Variants in ROBO1 observed in about 807,000 individuals in gnomAD.
ROBO1 encodes roundabout guidance receptor 1, also known as roundabout homolog 1.
ROBO1 carries 149 observed loss-of-function variants against 195.9 expected under a neutral mutation model. The observed-to-expected ratio is 0.76, with a 90% CI of 0.67 to 0.87. ROBO1 has a LOEUF of 0.87. ROBO1 is among the 40% of genes least tolerant of loss of function. The pLI, the probability that ROBO1 is intolerant of heterozygous loss-of-function variation, is 0.00. For missense variants in ROBO1, 1,933 were observed against 2,068.3 expected, an observed-to-expected ratio of 0.93 and a Z score of 1.27; for synonymous variants, 816 against 733.2, an observed-to-expected ratio of 1.11 and a Z score of -1.82.
intron 4 of ROBO1, among the ~76,000 whole-genome samples, chr3:78,855,213 G>A (rs1304237631): frequency 6.6e-6 from 1 of 152,070 alleles, no homozygotes; most frequent in Non-Finnish European, 1.5e-5. Flanking sequence ...TGTTCACCCA[G>A]CAGTATCCCA....
intron 4 of ROBO1, among the ~76,000 whole-genome samples, chr3:78,788,988 G>A (rs1238830607): frequency 6.6e-6 from 1 of 152,136 alleles, no homozygotes; most frequent in Non-Finnish European, 1.5e-5. Context: ...AAAGAATTAT[G>A]AATTGACTCA....
intron 27 of ROBO1, among the ~76,000 whole-genome samples, chr3:78,615,242 T>G (rs1484902070): frequency 6.6e-6 from 1 of 152,134 alleles, no homozygotes; most frequent in Non-Finnish European, 1.5e-5. Context: ...ACAGTACTAA[T>G]GGCACCCATA....
At chr3:79,629,916 C>A (rs1945288808) in intron 1 of ROBO1, among the ~76,000 whole-genome samples, 1 of 151,744 alleles carries the variant, frequency 6.6e-6, no homozygotes, top group Non-Finnish European at 1.5e-5. Context: ...TTAAAACATG[C>A]AACCTCTCAA....
At chr3:79,111,330 TG>T (rs1252470910) in intron 3 of ROBO1, among the ~76,000 whole-genome samples, 4 of 152,066 alleles carry the variant, frequency 2.6e-5, no homozygotes, top group African/African-American at 9.7e-5. Flanking sequence ...GAGGATCGAT[TG>T]GGGAATGCGC....
chr3:78,979,207 C>T (rs536567194), intron 3 of ROBO1, among the ~76,000 whole-genome samples: 5 of 152,218 alleles, frequency 3.3e-5, no homozygotes, highest in Middle Eastern at 3.4e-3. Flanking sequence ...AAGTTTGTGC[C>T]ATTCCCCTTC....
intron 2 of ROBO1, among the ~76,000 whole-genome samples, chr3:79,312,938 T>TCATC: frequency 6.6e-6 from 1 of 152,212 alleles, no homozygotes; most frequent in Middle Eastern, 3.4e-3. Flanking sequence ...GAAACAAAAG[T>TCATC]CATCATTAGC....
In ROBO1 at chr3:79,257,037, T is replaced by C. The variant is rs1016410823; in HGVS notation, c.89-131498A>G. Reference sequence around the variant, plus strand: ...ACAACTGGTCTTTCCATAAATAAGTTACATCTTCACAGATTAAAAATTTTA... The same window carrying C: ...ACAACTGGTCTTTCCATAAATAAGTCACATCTTCACAGATTAAAAATTTTA... On this transcript the variant is annotated intron_variant, in intron 2 of 30. Transcript: ENST00000464233. Among the ~76,000 whole-genome samples the C allele has an allele frequency of 5.3e-5, 8 of 152,298 alleles. No individual in the cohort carries two copies. The East Asian group carries it at 1.5e-3, about 29-fold the overall frequency.
chr3:79,186,685 G>C (rs2081445574), intron 2 of ROBO1, among the ~76,000 whole-genome samples: 1 of 152,086 alleles, frequency 6.6e-6, no homozygotes. Flanking sequence ...AATGTGAGCA[G>C]AAGATTGAAG....
chr3:78,627,550 A>G lies in ROBO1; in HGVS notation c.3646T>C (p.Cys1216Arg), dbSNP rs1419575523. The change falls in exon 26 of 31, where the codon TGT becomes CGT. Residue 1216 changes from cysteine to arginine, a missense_variant. Transcript: ENST00000464233. ...TACATCCTTGCTGGTGGCACGGGACATGGCATTTCTTGGTCATAGCTAAAA... is the reference window on the plus strand; with the variant it reads ...TACATCCTTGCTGGTGGCACGGGACGTGGCATTTCTTGGTCATAGCTAAAA... Reference protein sequence around the residue: ...VDESYDQEMPCPVPPARMYLQ... With the variant: ...VDESYDQEMPRPVPPARMYLQ... 5.6e-6 allele frequency: 9 copies of G among 1,612,664 alleles called. No homozygotes were observed. Among genetic ancestry groups the G allele is most frequent in the Non-Finnish European group, 6.8e-6 (8 of 1,179,324 alleles).
At chr3:79,328,750 G>A (rs1301436579) in intron 2 of ROBO1, among the ~76,000 whole-genome samples, 2 of 151,928 alleles carry the variant, frequency 1.3e-5, no homozygotes, top group African/African-American at 4.8e-5. Context: ...TGTACCCAAC[G>A]TGTAGGCTTT....
chr3:79,370,814 G>A (rs922369948), intron 2 of ROBO1, among the ~76,000 whole-genome samples: 2 of 151,988 alleles, frequency 1.3e-5, no homozygotes, highest in Middle Eastern at 3.4e-3. Context: ...TTACATATTT[G>A]TCCTAATGCT....
At chr3:79,638,631 G>A (rs1945566951) in intron 1 of ROBO1, among the ~76,000 whole-genome samples, 1 of 152,134 alleles carries the variant, frequency 6.6e-6, no homozygotes, top group Admixed American at 6.5e-5. Context: ...TCTGTGAAAG[G>A]AGATAAATTT....
intron 3 of ROBO1, among the ~76,000 whole-genome samples, chr3:79,097,964 T>C (rs1213162913): frequency 6.6e-6 from 1 of 151,768 alleles, no homozygotes; most frequent in Non-Finnish European, 1.5e-5. Flanking sequence ...TCAAGCATGA[T>C]ATATGAATTT....
intron 4 of ROBO1, among the ~76,000 whole-genome samples, chr3:78,920,323 G>C (rs1484118034): frequency 6.7e-6 from 1 of 149,982 alleles, no homozygotes; most frequent in Non-Finnish European, 1.5e-5. Flanking sequence ...TCTTTTTTTT[G>C]AGATGGAGTC....
At chr3:79,712,901 TACACCTGTTTATAGC>T (rs1702330771) in intron 1 of ROBO1, among the ~76,000 whole-genome samples, 1 of 152,116 alleles carries the variant, frequency 6.6e-6, no homozygotes. Context: ...TAGGTGATAG[TACACCTGTTTATAGC>T]ATGGTTTACT....
At position 79,732,831 on chromosome 3, in the gene ROBO1, A is replaced by C. The variant is rs541583443; in HGVS notation, c.-51+34921T>G. ...TTATCCTGGGCGTTTTTTATACTTT[A>C]TTTTAGTTTAAGTGACCCTCTTTGA... On this transcript the variant is annotated intron_variant, in intron 1 of 30. Coordinates refer to ENST00000464233, the MANE Select transcript of ROBO1 (RefSeq NM_002941.4). Among the ~76,000 whole-genome samples, 3 of 152,084 alleles carry C rather than the reference A, an allele frequency of 2.0e-5. No individual in the cohort carries two copies. In the South Asian group the frequency reaches 6.2e-4, roughly 32 times the overall value.
chr3:79,218,051 T>C (rs1033168785), intron 2 of ROBO1, among the ~76,000 whole-genome samples: 1 of 151,820 alleles, frequency 6.6e-6, no homozygotes, highest in African/African-American at 2.4e-5. Context: ...ATTATATAAA[T>C]AATAAAGTAA....
At chr3:79,330,719 A>G (rs975355331) in intron 2 of ROBO1, among the ~76,000 whole-genome samples, 1 of 151,232 alleles carries the variant, frequency 6.6e-6, no homozygotes. Context: ...CTGTAGACCA[A>G]TGAAATCTTG....
chr3:79,300,055 T>G (rs1319469563), intron 2 of ROBO1, among the ~76,000 whole-genome samples: 1 of 152,226 alleles, frequency 6.6e-6, no homozygotes, highest in African/African-American at 2.4e-5. Flanking sequence ...GGTGACAGCG[T>G]GCTGGCAGCC....
Sources: gnomAD v4.1 joint callset for allele counts (sites outside exome capture counted in the v4.1 genomes callset) on GRCh38, gnomAD v4.1.1 for gene constraint, MANE v1.5 for transcripts, NCBI Gene and HGNC (gene_info 2026-07-23, HGNC 2026-07-21) for gene names.